The following HDAC9 variants were observed in gnomAD, a reference collection of about 807,000 sequenced individuals.
HDAC9 encodes the protein MEF-2 interacting transcription repressor (MITR) protein.
HDAC9 carries 41 observed loss-of-function variants against 139.4 expected under a neutral mutation model. The observed-to-expected ratio is 0.29, with a 90% CI of 0.23 to 0.38. The LOEUF (loss-of-function observed/expected upper bound fraction) is 0.38, where lower values mean the gene tolerates loss of function less well. Among genes scored for constraint, HDAC9 ranks in the 10% least tolerant of loss-of-function variants. HDAC9 has a pLI of 1.00. For missense variants in HDAC9, 1,147 were observed against 1,297.0 expected (o/e 0.88, Z 1.78); for synonymous variants, 517 against 476.2 (o/e 1.09, Z -1.12).
Position 18,981,271 on chromosome 7 carries a change from T to C in HDAC9, c.3170+5318T>C, listed in dbSNP as rs184235865. Among the ~76,000 whole-genome samples, 34 of 152,296 alleles carry C rather than the reference T, an allele frequency of 2.2e-4. No individual in the cohort carries two copies. In the East Asian group the frequency reaches 6.4e-3, roughly 29 times the overall value. ...ACCAGCAGAATGAGGAAGAAGAACA[T>C]GTGAAAATATCAAGTTCATTCACTC... On this transcript the variant is annotated intron_variant, in intron 25 of 25. Transcript: ENST00000686413.
rs1392995728 is a variant in HDAC9, at chr7:18,522,610, CAAAAAACA to C, written c.22+26293_22+26300del. Among the ~76,000 whole-genome samples, 2 of 139,086 alleles carry C rather than the reference CAAAAAACA, an allele frequency of 1.4e-5. 1 individual carries two copies. Among genetic ancestry groups the C allele is most frequent in the African/African-American group, 5.3e-5 (2 of 37,660 alleles). 91.2% of individuals were successfully genotyped at this position (139,086 alleles called of 152,430 possible). A position where few individuals can be genotyped will look rare whatever the true frequency, so the allele number is the denominator to read the frequency against. On this transcript the variant is annotated intron_variant, in intron 2 of 25. Transcript: ENST00000686413. ...TGGTTTTTTTAAAAAAAACAAAAAACAAAAAACAAAAAAAAAAACATCTAATGAGCAAA... is the reference window on the plus strand; with the variant it reads ...TGGTTTTTTTAAAAAAAACAAAAAACAAAAAAAAAACATCTAATGAGCAAA...
chr7:18,907,365 G>T (rs1802354984), intron 22 of HDAC9, among the ~76,000 whole-genome samples: 1 of 152,132 alleles, frequency 6.6e-6, no homozygotes, highest in African/African-American at 2.4e-5. Flanking sequence ...AGCTAGAATG[G>T]GAATTCTAAA....
intron 25 of HDAC9, among the ~76,000 whole-genome samples, chr7:18,979,643 T>C (rs1158915361): frequency 1.3e-5 from 2 of 152,182 alleles, no homozygotes; most frequent in East Asian, 3.8e-4. Flanking sequence ...CACAGGACTT[T>C]CAGGAAGCAA....
chr7:18,928,775 A>C (rs1204094574), intron 22 of HDAC9, among the ~76,000 whole-genome samples: 1 of 152,046 alleles, frequency 6.6e-6, no homozygotes, highest in Non-Finnish European at 1.5e-5. Flanking sequence ...TTTCTGGTCG[A>C]TGGAACTATG....
chr7:18,239,960 T>TG (rs1794081087), intron 2 of HDAC9, among the ~76,000 whole-genome samples: 1 of 151,330 alleles, frequency 6.6e-6, no homozygotes, highest in Non-Finnish European at 1.5e-5. Flanking sequence ...CATGTTTTTT[T>TG]TTTTTTTTTT....
chr7:18,628,652 A>C (rs1286488955), intron 6 of HDAC9, among the ~76,000 whole-genome samples: 1 of 152,174 alleles, frequency 6.6e-6, no homozygotes, highest in East Asian at 1.9e-4. Context: ...CATACATGTG[A>C]ATAATGTGCA....
At chr7:18,656,060 T>TG (rs1791036144) in intron 11 of HDAC9, among the ~76,000 whole-genome samples, 1 of 151,878 alleles carries the variant, frequency 6.6e-6, no homozygotes, top group Non-Finnish European at 1.5e-5. Flanking sequence ...TTTTTTTTTT[T>TG]TGCATATTTT....
At chr7:18,356,632 C>G (rs1184595385) in intron 1 of HDAC9, among the ~76,000 whole-genome samples, 3 of 152,042 alleles carry the variant, frequency 2.0e-5, no homozygotes, top group Non-Finnish European at 4.4e-5. Flanking sequence ...ACTTTCACAA[C>G]CTTTTTCCTT....
intron 2 of HDAC9, among the ~76,000 whole-genome samples, chr7:18,240,628 A>G (rs936099152): frequency 1.3e-5 from 2 of 152,012 alleles, no homozygotes; most frequent in Non-Finnish European, 2.9e-5. Flanking sequence ...GAGTGATCCT[A>G]TTAAAAGTCA....
chr7:18,725,308 C>T (rs183048413), intron 12 of HDAC9, among the ~76,000 whole-genome samples: 5 of 152,038 alleles, frequency 3.3e-5, no homozygotes, highest in Non-Finnish European at 7.4e-5. Context: ...TTGCACAGGG[C>T]CCCTGAAAGT....
chr7:18,829,937 G>A (rs879504412), intron 19 of HDAC9, among the ~76,000 whole-genome samples: 1 of 151,980 alleles, frequency 6.6e-6, no homozygotes, highest in Non-Finnish European at 1.5e-5. Flanking sequence ...CTTCCCCCTG[G>A]TTAGAAATCA....
At chr7:18,657,151 G>A in intron 11 of HDAC9, among the ~76,000 whole-genome samples, 1 of 151,984 alleles carries the variant, frequency 6.6e-6, no homozygotes, top group East Asian at 1.9e-4. Flanking sequence ...CCTGTTGTTT[G>A]AGTTCCATAT....
At chr7:18,846,446 A>G (rs1277746556) in intron 21 of HDAC9, among the ~76,000 whole-genome samples, 2 of 152,226 alleles carry the variant, frequency 1.3e-5, no homozygotes, top group Non-Finnish European at 2.9e-5. Flanking sequence ...TCTTATGTAG[A>G]CATTTGAGGA....
At chr7:18,503,965 C>T (rs948472867) in intron 2 of HDAC9, among the ~76,000 whole-genome samples, 1 of 152,044 alleles carries the variant, frequency 6.6e-6, no homozygotes, top group Non-Finnish European at 1.5e-5. Flanking sequence ...CCCCAAAATC[C>T]AGAAAACAAA....
chr7:18,757,735 G>A (rs1475749960), intron 14 of HDAC9, among the ~76,000 whole-genome samples: 1 of 152,066 alleles, frequency 6.6e-6, no homozygotes, highest in African/African-American at 2.4e-5. Flanking sequence ...TATCGTGTGT[G>A]TGCTCTGTGT....
chr7:18,442,621 TATCTG>T (rs1791895322), intron 1 of HDAC9, among the ~76,000 whole-genome samples: 1 of 152,226 alleles, frequency 6.6e-6, no homozygotes, highest in Admixed American at 6.5e-5. Context: ...TCCTCAGAGT[TATCTG>T]AACTGACCTA....
intron 21 of HDAC9, among the ~76,000 whole-genome samples, chr7:18,841,702 T>G (rs1001809656): frequency 6.6e-6 from 1 of 152,094 alleles, no homozygotes; most frequent in Non-Finnish European, 1.5e-5. Context: ...TTCTTTGCAA[T>G]GCATTTTAGT....
intron 2 of HDAC9, among the ~76,000 whole-genome samples, chr7:18,559,017 C>T (rs1464470031): frequency 1.3e-5 from 2 of 152,136 alleles, no homozygotes; most frequent in East Asian, 3.9e-4. Flanking sequence ...GGTGACATCC[C>T]TGTTTTGGAC....
At chr7:18,660,908 A>T (rs1792926266) in intron 11 of HDAC9, among the ~76,000 whole-genome samples, 1 of 152,122 alleles carries the variant, frequency 6.6e-6, no homozygotes, top group African/African-American at 2.4e-5. Context: ...CCATGGTAGG[A>T]GGTTTGAATT....
Sources: gnomAD v4.1 joint callset for allele counts (sites outside exome capture counted in the v4.1 genomes callset) on GRCh38, gnomAD v4.1.1 for gene constraint, MANE v1.5 for transcripts, NCBI Gene and HGNC (gene_info 2026-07-23, HGNC 2026-07-21) for gene names.